Variants in GRIP1 observed in about 807,000 individuals in gnomAD.
GRIP1 encodes glutamate receptor interacting protein 1, also known as glutamate receptor-interacting protein 1.
In GRIP1, 45 loss-of-function variants were observed where a neutral mutation model predicts 129.9. The observed-to-expected ratio is 0.35, with a 90% CI of 0.27 to 0.44. The LOEUF (loss-of-function observed/expected upper bound fraction) is 0.44. Ranked by LOEUF, GRIP1 falls within the 20% of genes least tolerant of loss-of-function variation. GRIP1 has a pLI of 1.00. For synonymous variants in GRIP1, 530 were observed against 520.8 expected, an observed-to-expected ratio of 1.02 and a Z score of -0.24; for missense variants, 1,196 against 1,396.8, an observed-to-expected ratio of 0.86 and a Z score of 2.29.
intron 4 of GRIP1, among the ~76,000 whole-genome samples, chr12:66,538,236 G>A (rs528453663): frequency 7.0e-6 from 1 of 143,466 alleles, no homozygotes; most frequent in Non-Finnish European, 1.5e-5. Context: ...GTTTTGCTCT[G>A]TCACCTAGGC....
intron 7 of GRIP1, among the ~76,000 whole-genome samples, chr12:66,479,475 G>A (rs545040515): frequency 2.6e-5 from 4 of 152,030 alleles, no homozygotes; most frequent in Non-Finnish European, 4.4e-5. Flanking sequence ...ATTCACAGCC[G>A]AATTCTATTA....
At position 66,363,199 on chromosome 12, in the gene GRIP1, C is replaced by CTATATA. The variant is rs1565666323; in HGVS notation, c.3012+8494_3012+8495insTATATA. The stretch of plus-strand genomic sequence containing the variant: ...TATATGTATATATGTGTGTGTGTGT[C>CTATATA]CATATATATATATATATATATATAT... On this transcript the variant is annotated intron_variant, in intron 23 of 24. Coordinates refer to ENST00000359742, the MANE Select transcript of GRIP1 (RefSeq NM_001366722.1). 1.0e-3 allele frequency among the ~76,000 whole-genome samples: 36 copies of CTATATA among 35,336 alleles called. 2 individuals carry two copies. The South Asian group carries it at 0.012, about 12-fold the overall frequency. 23.2% of individuals were successfully genotyped at this position (35,336 alleles called of 152,430 possible).
chr12:66,377,117 A>G (rs1323128178), intron 21 of GRIP1, 56 bp from the exon 22 acceptor site: 1 of 1,574,262 alleles, frequency 6.4e-7, no homozygotes, highest in Non-Finnish European at 8.7e-7. Context: ...CAAACTTAAA[A>G]GGACCAAAAA....
intron 2 of GRIP1, among the ~76,000 whole-genome samples, chr12:66,543,824 T>C (rs888994731): frequency 2.0e-5 from 3 of 152,206 alleles, no homozygotes; most frequent in African/African-American, 4.8e-5. Flanking sequence ...CATCTGATTA[T>C]AGAACTTTAC....
intron 19 of GRIP1, among the ~76,000 whole-genome samples, chr12:66,391,155 C>A (rs1314799807): frequency 6.6e-6 from 1 of 152,158 alleles, no homozygotes; most frequent in Non-Finnish European, 1.5e-5. Flanking sequence ...TACAGACACT[C>A]CTAAAAAGTA....
chr12:66,679,811 C>T (rs1199472664), upstream of GRIP1, among the ~76,000 whole-genome samples: 1 of 152,162 alleles, frequency 6.6e-6, no homozygotes, highest in East Asian at 1.9e-4. Context: ...ACAACCATCC[C>T]CCAAACCATT....
chr12:67,007,788 G>T (rs191961485), intron 1 of GRIP1, among the ~76,000 whole-genome samples: 1 of 152,002 alleles, frequency 6.6e-6, no homozygotes, highest in Non-Finnish European at 1.5e-5. Context: ...TTGCACAATC[G>T]ATGCCTTTGA....
intron 1 of GRIP1, among the ~76,000 whole-genome samples, chr12:66,717,276 C>T (rs1205476747): frequency 6.6e-6 from 1 of 151,918 alleles, no homozygotes; most frequent in Non-Finnish European, 1.5e-5. Context: ...AGCCTATATG[C>T]CAATTTTAAA....
At chr12:66,428,975 C>T (rs943257027) in intron 14 of GRIP1, among the ~76,000 whole-genome samples, 1 of 152,338 alleles carries the variant, frequency 6.6e-6, no homozygotes. Flanking sequence ...CAGTCCTGAA[C>T]TGCATCCTTC....
intron 1 of GRIP1, among the ~76,000 whole-genome samples, chr12:66,864,778 T>C (rs557954757): frequency 7.0e-4 from 107 of 152,274 alleles, no homozygotes; most frequent in Middle Eastern, 3.4e-3. Flanking sequence ...TCCCTGTTAC[T>C]CTGCAGATCA....
chr12:66,579,551 G>C (rs2063288252), intron 2 of GRIP1, among the ~76,000 whole-genome samples: 1 of 152,168 alleles, frequency 6.6e-6, no homozygotes, highest in Admixed American at 6.5e-5. Flanking sequence ...CCAATACAGA[G>C]AAGTGCTTAA....
At chr12:66,465,962 G>A (rs12227684) in intron 7 of GRIP1, among the ~76,000 whole-genome samples, 9,870 of 152,206 alleles carry the variant, frequency 0.065, 863 homozygotes, top group African/African-American at 0.19. Context: ...AGAGGGATGG[G>A]AGGATGAATG....
In GRIP1 at chr12:66,723,296, CTTTCTTTCTTTTTTTTT is replaced by C. The variant is rs2036142506; in HGVS notation, c.-420+80740_-420+80756del. Among the ~76,000 whole-genome samples the C allele has an allele frequency of 8.2e-4, 18 of 22,072 alleles. 3 individuals are homozygous for C. The highest frequency in any genetic ancestry group is 4.1e-3 in the African/African-American group (15 of 3,616). The allele number at this position is 22,072 out of a possible 152,430, so 14.5% of individuals were successfully genotyped here. ...CCTTCCTTCCTTCCTTTCTTTCTTT[CTTTCTTTCTTTTTTTTT>C]TTTTTTTTTTTTTTTTTGAGACAGA... On this transcript the variant is annotated intron_variant, in intron 1 of 4. Transcript: ENST00000538373.
intron 7 of GRIP1, among the ~76,000 whole-genome samples, chr12:66,492,049 A>G (rs903646673): frequency 6.6e-6 from 1 of 152,090 alleles, no homozygotes; most frequent in Non-Finnish European, 1.5e-5. Flanking sequence ...AATTCCTACT[A>G]CTCATATTCT....
intron 2 of GRIP1, among the ~76,000 whole-genome samples, chr12:66,575,687 A>C (rs1372138937): frequency 6.6e-6 from 1 of 152,178 alleles, no homozygotes; most frequent in Non-Finnish European, 1.5e-5. Flanking sequence ...GACAACTAGA[A>C]AATTTTTCCA....
intron 1 of GRIP1, among the ~76,000 whole-genome samples, chr12:66,673,410 G>A (rs1374258606): frequency 1.3e-5 from 2 of 152,078 alleles, no homozygotes; most frequent in African/African-American, 4.8e-5. Flanking sequence ...CCTTTTCCCA[G>A]TAATGAACCA....
intron 15 of GRIP1, among the ~76,000 whole-genome samples, chr12:66,415,916 T>G (rs1565716788): frequency 6.6e-6 from 1 of 152,044 alleles, no homozygotes; most frequent in Non-Finnish European, 1.5e-5. Flanking sequence ...CTGGGGCCTG[T>G]CATGGGTGAG....
rs1199706512 is a variant in GRIP1, at chr12:66,399,172, T to C, written c.1985-4820A>G. Among the ~76,000 whole-genome samples the C allele has an allele frequency of 3.9e-5, 6 of 152,020 alleles. 1 individual carries two copies. Among genetic ancestry groups the C allele is most frequent in the Admixed American group, 1.3e-4 (2 of 15,286 alleles). On this transcript the variant is annotated intron_variant, in intron 16 of 24. Coordinates refer to ENST00000359742, the MANE Select transcript of GRIP1 (RefSeq NM_001366722.1). ...TTTGAGAATACAACCTCAGCTGCCA[T>C]TGTGGGGACAAGCAAACCTAGAACT...
chr12:67,026,366 T>C (rs944616536), intron 1 of GRIP1, among the ~76,000 whole-genome samples: 1 of 152,218 alleles, frequency 6.6e-6, no homozygotes, highest in African/African-American at 2.4e-5. Flanking sequence ...TTTCTCAAGC[T>C]TGTTTTCTAC....
Sources: gnomAD v4.1 joint callset for allele counts (sites outside exome capture counted in the v4.1 genomes callset) on GRCh38, gnomAD v4.1.1 for gene constraint, MANE v1.5 for transcripts, NCBI Gene and HGNC (gene_info 2026-07-23, HGNC 2026-07-21) for gene names.